The following TSPAN8 variants were observed in gnomAD, a reference collection of about 807,000 sequenced individuals.
TSPAN8 encodes the protein tetraspanin 8, also known as tetraspanin-8.
Under a neutral mutation model 32.8 loss-of-function variants are expected in TSPAN8, and 21 were observed. The ratio of observed to expected loss-of-function variants is 0.64; its 90% CI spans 0.45 to 0.92. TSPAN8 has a LOEUF of 0.92. Among genes scored for constraint, TSPAN8 ranks in the 40% least tolerant of loss-of-function variants. The pLI is 0.00. For missense variants in TSPAN8, 269 were observed against 281.9 expected (o/e 0.95, Z 0.33); for synonymous variants, 95 against 94.6 (o/e 1.00, Z -0.03).
At chr12:71,125,547 A>C (rs1447304204) in intron 8 of TSPAN8, among the ~76,000 whole-genome samples, 160 bp from the exon 9 acceptor site, 1 of 152,174 alleles carries the variant, frequency 6.6e-6, no homozygotes, top group East Asian at 1.9e-4. Context: ...TTCCAATGGG[A>C]CAAAAGAGCA....
intron 2 of TSPAN8, among the ~76,000 whole-genome samples, chr12:71,147,208 A>C (rs963922848): frequency 2.0e-5 from 3 of 152,192 alleles, no homozygotes; most frequent in Non-Finnish European, 4.4e-5. Flanking sequence ...TATCAGGAAA[A>C]AAAAGGGGGC....
intron 7 of TSPAN8, 80 bp from the exon 8 acceptor site, chr12:71,129,494 T>C (rs1248318778): frequency 8.1e-6 from 11 of 1,359,330 alleles, no homozygotes; most frequent in South Asian, 1.5e-5. Context: ...ATTAATCTGG[T>C]TGACTTTTTA....
chr12:71,125,450 T>C, intron 8 of TSPAN8, 63 bp from the exon 9 acceptor site: 1 of 1,348,898 alleles, frequency 7.4e-7, no homozygotes, highest in Non-Finnish European at 1.0e-6. Context: ...ACATTATAAA[T>C]AAACAGAAAG....
At chr12:71,132,947 C>T in intron 6 of TSPAN8, 123 bp from the exon 7 acceptor site, 1 of 1,083,494 alleles carries the variant, frequency 9.2e-7, no homozygotes, top group Non-Finnish European at 1.3e-6. Flanking sequence ...CCATGTAAGT[C>T]ACCTTTCACC....
chr12:71,126,760 ACT>A (rs1871361415), intron 8 of TSPAN8, among the ~76,000 whole-genome samples: 1 of 130,980 alleles, frequency 7.6e-6, no homozygotes, highest in Non-Finnish European at 1.8e-5. Flanking sequence ...AGTGTGTAGC[ACT>A]TTTTTTTTTT....
At chr12:71,142,723 C>A (rs189908273) in intron 3 of TSPAN8, among the ~76,000 whole-genome samples, 1 of 152,172 alleles carries the variant, frequency 6.6e-6, no homozygotes, top group African/African-American at 2.4e-5. Flanking sequence ...CACCCAATTT[C>A]TTCACCATGG....
rs149891421 is a variant in TSPAN8 at position 71,131,160 on chromosome 12, T to C, written c.576+1533A>G. On this transcript the variant is annotated intron_variant, in intron 7 of 8. Transcript: ENST00000247829. ...CATTATCCTAAGTGGAAACTATTTT[T>C]ATTTACTCTATATTTATTTCCCCTT... Among the ~76,000 whole-genome samples, 335 of 152,342 alleles carry C rather than the reference T, an allele frequency of 2.2e-3. 1 individual carries two copies. Among genetic ancestry groups the C allele is most frequent in the Non-Finnish European group, 3.7e-3 (251 of 68,040 alleles).
rs749102050 is a variant in TSPAN8, at chr12:71,132,688, C to A, written c.576+5G>T. The A allele has an allele frequency of 3.1e-6, 5 of 1,613,256 alleles. No homozygotes were observed. On this transcript the variant is annotated splice_donor_5th_base_variant and intron_variant, in intron 7 of 8. Coordinates refer to ENST00000247829, the MANE Select transcript of TSPAN8 (RefSeq NM_004616.3). ...TTATTGTACCAAATGTGATTTAGTTCTCACCTCTTTGTAAACTTGTTTTCC... is the reference window on the plus strand; with the variant it reads ...TTATTGTACCAAATGTGATTTAGTTATCACCTCTTTGTAAACTTGTTTTCC...
chr12:71,136,707 A>G (rs1177783769), intron 6 of TSPAN8, among the ~76,000 whole-genome samples: 1 of 152,200 alleles, frequency 6.6e-6, no homozygotes, highest in Non-Finnish European at 1.5e-5. Context: ...TAAAGAAAAA[A>G]GGAGGGGATA....
At chr12:71,130,356 A>G (rs1871482259) in intron 7 of TSPAN8, among the ~76,000 whole-genome samples, 1 of 152,208 alleles carries the variant, frequency 6.6e-6, no homozygotes, top group Non-Finnish European at 1.5e-5. Flanking sequence ...ACTTTAGATA[A>G]AAAAGAGAAA....
At chr12:71,136,029 C>T (rs545372748) in intron 6 of TSPAN8, among the ~76,000 whole-genome samples, 2 of 151,944 alleles carry the variant, frequency 1.3e-5, no homozygotes, top group Non-Finnish European at 2.9e-5. Context: ...GGAAATGATG[C>T]TTTAAGCACA....
At chr12:71,143,599 C>T (rs1353559935) in intron 3 of TSPAN8, among the ~76,000 whole-genome samples, 1 of 152,144 alleles carries the variant, frequency 6.6e-6, no homozygotes, top group Non-Finnish European at 1.5e-5. Flanking sequence ...TTAGATTAGC[C>T]ACTACTGGCA....
In TSPAN8 at chr12:71,129,516, A is replaced by G. The variant is rs527576009; in HGVS notation, c.577-102T>C. ...TGGTTGACTTTTTACATTGCTATCAAGAAACACACTTAACGACAAGGAACT... is the reference window on the plus strand; with the variant it reads ...TGGTTGACTTTTTACATTGCTATCAGGAAACACACTTAACGACAAGGAACT... On this transcript the variant is annotated intron_variant, in intron 7 of 8. Coordinates refer to ENST00000247829, the MANE Select transcript of TSPAN8 (RefSeq NM_004616.3). 1.3e-5 allele frequency: 16 copies of G among 1,225,798 alleles called. No individual in the cohort carries two copies. In the South Asian group the frequency reaches 2.8e-4, roughly 21 times the overall value. The allele number at this position is 1,225,798 out of a possible 1,614,324, so 75.9% of individuals were successfully genotyped here. A position where few individuals can be genotyped will look rare whatever the true frequency, so the allele number is the denominator to read the frequency against.
At chr12:71,127,689 C>T (rs1871390009) in intron 8 of TSPAN8, among the ~76,000 whole-genome samples, 1 of 152,044 alleles carries the variant, frequency 6.6e-6, no homozygotes, top group African/African-American at 2.4e-5. Flanking sequence ...TACTGAAATA[C>T]ATTAATCTTT....
chr12:71,144,979 T>A (rs1872027454), intron 2 of TSPAN8, among the ~76,000 whole-genome samples: 1 of 152,014 alleles, frequency 6.6e-6, no homozygotes, highest in Admixed American at 6.6e-5. Flanking sequence ...TTATGCATTG[T>A]GGCTTCAAAA....
chr12:71,133,042 AATCTGAAGAAGT>A, intron 6 of TSPAN8, among the ~76,000 whole-genome samples: 1 of 152,260 alleles, frequency 6.6e-6, no homozygotes, highest in South Asian at 2.1e-4. Flanking sequence ...CAGACTCAAA[AATCTGAAGAAGT>A]TGGGAAGATG....
At chr12:71,155,286 G>A (rs960676542) in intron 2 of TSPAN8, among the ~76,000 whole-genome samples, 3 of 152,070 alleles carry the variant, frequency 2.0e-5, no homozygotes, top group African/African-American at 4.8e-5. Context: ...CAATGGCTAC[G>A]AACGTCACAA....
chr12:71,154,179 G>A (rs940701303), intron 2 of TSPAN8, among the ~76,000 whole-genome samples: 1 of 151,958 alleles, frequency 6.6e-6, no homozygotes, highest in African/African-American at 2.4e-5. Context: ...GCATGGTGGT[G>A]CGTGCCTGTA....
At chr12:71,144,025 G>T in intron 3 of TSPAN8, 126 bp downstream of exon 3, 1 of 724,850 alleles carries the variant, frequency 1.4e-6, no homozygotes, top group Non-Finnish European at 2.2e-6. Flanking sequence ...AACAGCACAA[G>T]TGATTACATG....
Sources: allele counts gnomAD v4.1 joint callset (sites outside exome capture counted in the v4.1 genomes callset), GRCh38; gene constraint gnomAD v4.1.1; transcripts MANE v1.5; gene names NCBI Gene and HGNC (gene_info 2026-07-23, HGNC 2026-07-21).